The following PATJ variants were observed in gnomAD, a reference collection of about 807,000 sequenced individuals.
PATJ encodes the protein PATJ crumbs cell polarity complex component.
PATJ carries 190 observed loss-of-function variants against 224.9 expected under a neutral mutation model. That is an observed-to-expected ratio of 0.84 (90% CI 0.75 to 0.95). The LOEUF (loss-of-function observed/expected upper bound fraction) is 0.95, where lower values mean the gene tolerates loss of function less well. PATJ is among the 40% of genes least tolerant of loss of function. PATJ has a pLI of 0.00. For synonymous variants in PATJ, 769 were observed against 820.3 expected, an observed-to-expected ratio of 0.94 and a Z score of 1.07; for missense variants, 2,121 against 2,270.3, an observed-to-expected ratio of 0.93 and a Z score of 1.34.
At chr1:62,049,282 G>C (rs200738881) in intron 30 of PATJ, among the ~76,000 whole-genome samples, 7 of 85,468 alleles carry the variant, frequency 8.2e-5, no homozygotes, top group African/African-American at 2.0e-4. Flanking sequence ...CACACACACA[G>C]AGTATTTTTT....
intron 29 of PATJ, among the ~76,000 whole-genome samples, chr1:62,036,421 C>T (rs1405392071): frequency 2.0e-5 from 3 of 152,118 alleles, no homozygotes; most frequent in Admixed American, 6.5e-5. Flanking sequence ...ATGTTGTTGA[C>T]ATTTACTCTG....
chr1:61,994,676 T>C (rs1645256411), intron 28 of PATJ, among the ~76,000 whole-genome samples: 1 of 152,124 alleles, frequency 6.6e-6, no homozygotes, highest in Non-Finnish European at 1.5e-5. Flanking sequence ...TGCCTCAGCC[T>C]CCCAAGTAGC....
At chr1:61,768,252 G>A (rs1646400308) in intron 4 of PATJ, among the ~76,000 whole-genome samples, 1 of 151,598 alleles carries the variant, frequency 6.6e-6, no homozygotes, top group Non-Finnish European at 1.5e-5. Context: ...GGCGGATCAC[G>A]AGGTCAGGAG....
rs60747316 is a variant in PATJ at position 62,062,392 on chromosome 1, C to CTTTTTTTTTTT, written c.4125+11351_4125+11361dup. Among the ~76,000 whole-genome samples, 123 of 28,486 alleles carry CTTTTTTTTTTT rather than the reference C, an allele frequency of 4.3e-3. 5 individuals are homozygous for CTTTTTTTTTTT. Among genetic ancestry groups the CTTTTTTTTTTT allele is most frequent in the African/African-American group, 6.0e-3 (38 of 6,296 alleles). 18.7% of individuals were successfully genotyped at this position (28,486 alleles called of 152,430 possible). A position where few individuals can be genotyped will look rare whatever the true frequency, so the allele number is the denominator to read the frequency against. On this transcript the variant is annotated intron_variant, in intron 31 of 43. Coordinates refer to ENST00000642238, the MANE Select transcript of PATJ (RefSeq NM_001350145.3). ...TGGTTGGCTGCTTCTATGTTGTCTT[C>CTTTTTTTTTTT]TTTTTTTTTTTTTTTTTTTTTTTTT...
intron 31 of PATJ, chr1:62,073,149 C>T (rs1657727148): frequency 1.0e-6 from 1 of 985,152 alleles, no homozygotes; most frequent in Admixed American, 6.2e-5. Context: ...GCGTTATAGA[C>T]CGGGTTCCAA....
chr1:61,969,297 C>G (rs1251241929), intron 27 of PATJ, among the ~76,000 whole-genome samples: 1 of 152,082 alleles, frequency 6.6e-6, no homozygotes, highest in African/African-American at 2.4e-5. Flanking sequence ...TAAGGTATGT[C>G]CATACTCTTC....
chr1:61,879,647 C>T (rs1667813761), intron 21 of PATJ, among the ~76,000 whole-genome samples: 1 of 151,326 alleles, frequency 6.6e-6, no homozygotes, highest in Admixed American at 6.6e-5. Flanking sequence ...ACTTCTGGGT[C>T]CCATTCTTTT....
In PATJ at chr1:62,051,074, AT is replaced by A. The variant is rs1237665175; in HGVS notation, c.4125+21del. On this transcript the variant is annotated intron_variant, in intron 31 of 43. Transcript: ENST00000642238. ...CTTCAAACTGGTGAGAATCTTGAGT[AT>A]TTTTCATCCTGTATTCTGTTTAGGG... 1 of 1,571,782 alleles carries A rather than the reference AT, an allele frequency of 6.4e-7. No individual in the cohort carries two copies. The highest frequency in any genetic ancestry group is 2.2e-5 in the East Asian group (1 of 44,512).
At chr1:61,788,039 A>C (rs1648949915) in intron 8 of PATJ, 67 bp downstream of exon 8, 1 of 1,310,390 alleles carries the variant, frequency 7.6e-7, no homozygotes, top group Admixed American at 1.9e-5. Context: ...AAGATAAGAA[A>C]TTCTTTCAAC....
intron 27 of PATJ, among the ~76,000 whole-genome samples, chr1:61,965,321 A>G (rs866893948): frequency 6.6e-6 from 1 of 151,988 alleles, no homozygotes; most frequent in African/African-American, 2.4e-5. Flanking sequence ...AAAAACATGA[A>G]AAAGCCTGTA....
At chr1:61,860,834 A>T (rs77919300) in intron 18 of PATJ, among the ~76,000 whole-genome samples, 3 of 130,846 alleles carry the variant, frequency 2.3e-5, no homozygotes, top group Non-Finnish European at 3.2e-5. Flanking sequence ...GTCTCAATTT[A>T]AAAAAAAAAA....
intron 13 of PATJ, among the ~76,000 whole-genome samples, chr1:61,807,626 G>T (rs1487037564): frequency 6.6e-6 from 1 of 152,186 alleles, no homozygotes; most frequent in Non-Finnish European, 1.5e-5. Flanking sequence ...GTAGCATCTT[G>T]TACCGAGGAA....
chr1:61,900,617 T>C (rs935273100), intron 23 of PATJ, among the ~76,000 whole-genome samples: 7 of 151,538 alleles, frequency 4.6e-5, no homozygotes, highest in Non-Finnish European at 5.9e-5. Flanking sequence ...TGAGACGGAG[T>C]CTGGCTCTGT....
intron 11 of PATJ, among the ~76,000 whole-genome samples, chr1:61,800,360 C>T (rs1652224238): frequency 6.6e-6 from 1 of 152,110 alleles, no homozygotes; most frequent in South Asian, 2.1e-4. Flanking sequence ...TGTTAGTTTG[C>T]TGGCTACTTA....
chr1:61,957,634 G>T (rs996067284), intron 27 of PATJ, among the ~76,000 whole-genome samples: 1 of 152,144 alleles, frequency 6.6e-6, no homozygotes, highest in East Asian at 1.9e-4. Context: ...TTTGTGACCC[G>T]TGAACCTTTG....
rs116531586 is a variant in PATJ, at chr1:61,749,597, A to G, written c.-36+7042A>G. ...TTGGGTGAAGAAAGTATGTATTCCT[A>G]CCATCGAATGTTACTTAGTTGTTAC... On this transcript the variant is annotated intron_variant, in intron 1 of 43. Transcript: ENST00000642238. Among the ~76,000 whole-genome samples the G allele has an allele frequency of 2.9e-3, 445 of 152,204 alleles. 2 individuals carry two copies. The highest frequency in any genetic ancestry group is 0.01 in the African/African-American group (426 of 41,548).
chr1:62,102,734 G>A (rs1349743176), intron 33 of PATJ, among the ~76,000 whole-genome samples: 1 of 151,624 alleles, frequency 6.6e-6, no homozygotes, highest in Non-Finnish European at 1.5e-5. Context: ...GGTGGCACAC[G>A]CCTTCGTCCC....
intron 30 of PATJ, among the ~76,000 whole-genome samples, chr1:62,050,034 T>C (rs1653290266): frequency 6.7e-6 from 1 of 150,070 alleles, no homozygotes; most frequent in Non-Finnish European, 1.5e-5. Context: ...AAGAATCACT[T>C]GAACCCGGGA....
chr1:62,114,115 C>G lies in PATJ; in HGVS notation c.4524C>G (p.Thr1508=), dbSNP rs764695775. The G allele has an allele frequency of 6.2e-7, 1 of 1,613,964 alleles. No homozygotes were observed. The highest frequency in any genetic ancestry group is 8.5e-7 in the Non-Finnish European group (1 of 1,179,994). ...AAGCCATCACAGCCCTGAGGCAGAC[C>G]CCCCAGAAGGTGCGGCTGGTGGTGT... ...HEEAITALRQ[T]PQKVRLVVYR... Residue 1508 remains threonine, a synonymous_variant, in exon 35 of 44, where the codon ACC becomes ACG. Transcript: ENST00000642238.
Sources: gnomAD v4.1 joint callset for allele counts (sites outside exome capture counted in the v4.1 genomes callset) on GRCh38, gnomAD v4.1.1 for gene constraint, MANE v1.5 for transcripts, NCBI Gene and HGNC (gene_info 2026-07-23, HGNC 2026-07-21) for gene names.